SPMAP2L: variants seen among roughly 807,000 people sequenced by gnomAD.
The protein encoded by SPMAP2L is sperm microtubule associated protein 2 like, also known as sperm microtubule associated protein 2-like.
chr4:56,560,961 G>A, the SPMAP2L span, among the ~76,000 whole-genome samples: 2 of 152,040 alleles, frequency 1.3e-5, no homozygotes, highest in Non-Finnish European at 2.9e-5. Flanking sequence ...GGCCAGGCTG[G>A]TCTCAAACTT....
the SPMAP2L span, chr4:56,548,911 A>G: frequency 3.5e-6 from 3 of 866,232 alleles, no homozygotes; most frequent in Non-Finnish European, 4.7e-6. Context: ...ACGTGGGTCT[A>G]CCTTGGGGTT....
At chr4:56,592,840 C>T in the SPMAP2L span, among the ~76,000 whole-genome samples, 1 of 152,148 alleles carries the variant, frequency 6.6e-6, no homozygotes, top group Non-Finnish European at 1.5e-5. Flanking sequence ...CCAGACACGA[C>T]GACTTCGCTC....
chr4:56,588,225 A>G, the SPMAP2L span, among the ~76,000 whole-genome samples: 1 of 152,074 alleles, frequency 6.6e-6, no homozygotes, highest in South Asian at 2.1e-4. Context: ...GTCCTTTGTC[A>G]GATGTATGGA....
chr4:56,565,413 A>C, the SPMAP2L span, among the ~76,000 whole-genome samples: 1 of 152,202 alleles, frequency 6.6e-6, no homozygotes, highest in African/African-American at 2.4e-5. Context: ...CTGAAATCCA[A>C]AATGCTCCAA....
the SPMAP2L span, among the ~76,000 whole-genome samples, chr4:56,604,606 C>T: frequency 4.0e-5 from 6 of 151,054 alleles, no homozygotes; most frequent in Non-Finnish European, 5.9e-5. Flanking sequence ...TGCCATGAGC[C>T]GAGATTGCAC....
the SPMAP2L span, among the ~76,000 whole-genome samples, chr4:56,617,703 C>G: frequency 6.6e-6 from 1 of 152,194 alleles, no homozygotes; most frequent in African/African-American, 2.4e-5. Context: ...AGACCCCCTT[C>G]CTTATCACAA....
chr4:56,594,759 C>T, the SPMAP2L span: 1 of 1,497,410 alleles, frequency 6.7e-7, no homozygotes, highest in East Asian at 2.3e-5. Flanking sequence ...ACATACCCAT[C>T]CACCAATGGG....
chr4:56,614,472 TG>T, the SPMAP2L span, among the ~76,000 whole-genome samples: 1 of 151,994 alleles, frequency 6.6e-6, no homozygotes, highest in East Asian at 1.9e-4. Flanking sequence ...CTGGCCAACA[TG>T]GTGAAACCTC....
the SPMAP2L span, among the ~76,000 whole-genome samples, chr4:56,566,746 G>T: frequency 7.4e-6 from 1 of 134,636 alleles, no homozygotes; most frequent in Admixed American, 8.4e-5. Context: ...ATCCAGGCTG[G>T]AGTGCAATGG....
chr4:56,537,982 C>T, the SPMAP2L span, among the ~76,000 whole-genome samples: 1 of 152,168 alleles, frequency 6.6e-6, no homozygotes, highest in African/African-American at 2.4e-5. Flanking sequence ...CGTGAGCCAC[C>T]GTGCCTAGCT....
chr4:56,602,090 T>C, the SPMAP2L span, among the ~76,000 whole-genome samples: 2 of 152,202 alleles, frequency 1.3e-5, no homozygotes, highest in Admixed American at 6.5e-5. Flanking sequence ...TATGGCCTAA[T>C]TCAAATAGAT....
At chr4:56,586,741 C>T in the SPMAP2L span, among the ~76,000 whole-genome samples, 1 of 152,134 alleles carries the variant, frequency 6.6e-6, no homozygotes, top group African/African-American at 2.4e-5. Flanking sequence ...TTTGAGAGAA[C>T]AGGTGGAAGC....
the SPMAP2L span, among the ~76,000 whole-genome samples, chr4:56,599,969 A>T: frequency 6.6e-6 from 1 of 152,156 alleles, no homozygotes; most frequent in Non-Finnish European, 1.5e-5. Flanking sequence ...ACCATCTCAC[A>T]CCATTCAGAA....
At chr4:56,619,631 G>T in the SPMAP2L span, among the ~76,000 whole-genome samples, 667 of 152,138 alleles carry the variant, frequency 4.4e-3, 3 homozygotes, top group African/African-American at 0.015. Context: ...TTATTTATTT[G>T]TTCATCTGCA....
the SPMAP2L span, among the ~76,000 whole-genome samples, chr4:56,618,786 G>C: frequency 1.1e-3 from 172 of 152,338 alleles, no homozygotes; most frequent in African/African-American, 3.0e-3. Context: ...TGGGCTGATT[G>C]ATAATGCCAA....
chr4:56,596,974 C>T, the SPMAP2L span, among the ~76,000 whole-genome samples: 1 of 152,148 alleles, frequency 6.6e-6, no homozygotes, highest in Non-Finnish European at 1.5e-5. Context: ...ACTTGGAGCT[C>T]TATGCTAATC....
At chr4:56,557,282 GAAAAGAAAC>G in the SPMAP2L span, among the ~76,000 whole-genome samples, 2 of 148,938 alleles carry the variant, frequency 1.3e-5, no homozygotes, top group Non-Finnish European at 3.0e-5. Flanking sequence ...GAAAAGAAAA[GAAAAGAAAC>G]AAACAAACAA....
At chr4:56,537,906 G>T in the SPMAP2L span, among the ~76,000 whole-genome samples, 1 of 152,036 alleles carries the variant, frequency 6.6e-6, no homozygotes, top group African/African-American at 2.4e-5. Flanking sequence ...TGTTAGCCAG[G>T]ATGGTCTTGA....
chr4:56,605,326 G>C, the SPMAP2L span, among the ~76,000 whole-genome samples: 1 of 152,100 alleles, frequency 6.6e-6, no homozygotes, highest in Non-Finnish European at 1.5e-5. Context: ...AAACAGATAT[G>C]GGTTCTGCTC....
Sources: allele counts gnomAD v4.1 joint callset (sites outside exome capture counted in the v4.1 genomes callset), GRCh38; gene constraint gnomAD v4.1.1; transcripts MANE v1.5; gene names NCBI Gene and HGNC (gene_info 2026-07-23, HGNC 2026-07-21).